ZNF546: variants seen among roughly 807,000 people sequenced by gnomAD.
ZNF546 encodes CTC-471F3.6.
Under a neutral mutation model 76.2 loss-of-function variants are expected in ZNF546, and 60 were observed. That is an observed-to-expected ratio of 0.79 (90% CI 0.64 to 0.98). ZNF546 has a LOEUF of 0.98. Ranked by LOEUF, ZNF546 falls within the 50% of genes least tolerant of loss-of-function variation. ZNF546 has a pLI of 0.00. For missense variants in ZNF546, 936 were observed against 1,035.6 expected, an observed-to-expected ratio of 0.90 and a Z score of 1.32; for synonymous variants, 277 against 328.1, an observed-to-expected ratio of 0.84 and a Z score of 1.68.
At chr19:40,006,308 C>CT (rs1016124113) in intron 4 of ZNF546, 126 bp downstream of exon 4, 1 of 730,616 alleles carries the variant, frequency 1.4e-6, no homozygotes, top group Non-Finnish European at 2.2e-6. Flanking sequence ...TAGTTACTCC[C>CT]TAGTTACAGT....
At chr19:40,012,586 A>T (rs1263862470) in intron 6 of ZNF546, among the ~76,000 whole-genome samples, 2 of 152,102 alleles carry the variant, frequency 1.3e-5, no homozygotes, top group African/African-American at 4.8e-5. Flanking sequence ...GGAACGAGAA[A>T]CTCTATTCTA....
intron 6 of ZNF546, among the ~76,000 whole-genome samples, chr19:40,008,821 TC>T (rs141508192): frequency 0.033 from 4,950 of 152,304 alleles, 183 homozygotes; most frequent in East Asian, 0.18. Context: ...CTTTCTTTCT[TC>T]CCCATTGATG....
In ZNF546 at chr19:40,004,821, TTAAA is replaced by T. The variant is rs532847203; in HGVS notation, c.85-1272_85-1269del. 2.2e-3 allele frequency among the ~76,000 whole-genome samples: 328 copies of T among 152,204 alleles called. 2 individuals are homozygous for T. The highest frequency in any genetic ancestry group is 6.9e-3 in the African/African-American group (285 of 41,538). On this transcript the variant is annotated intron_variant, in intron 3 of 6. Coordinates refer to ENST00000347077, the MANE Select transcript of ZNF546 (RefSeq NM_178544.5). ...ATATCTTGGATATTTCCCAAATCCT[TTAAA>T]TATTTTCTCCAATTTAGTATAGTAT... is the stretch of plus-strand genomic sequence containing the variant.
chr19:40,014,190 G>A lies in ZNF546; in HGVS notation c.920G>A (p.Gly307Glu). ...GVKPYECKEC[G>E]KAFSRVRDLR... ...AAACCCTACGAGTGTAAGGAATGTG[G>A]GAAAGCCTTTAGTCGTGTTAGAGAC... is the stretch of plus-strand genomic sequence containing the variant. The change falls in exon 7 of 7, where the codon GGG becomes GAG. Residue 307 changes from glycine (G) to glutamate (E), a missense_variant. Physicochemically the swap from Gly to Glu is moderately conservative, Grantham distance 98. Transcript: ENST00000347077. 1 of 1,613,782 alleles carries A rather than the reference G, an allele frequency of 6.2e-7. No individual in the cohort carries two copies. The highest frequency in any genetic ancestry group is 1.1e-5 in the South Asian group (1 of 91,070).
intron 3 of ZNF546, among the ~76,000 whole-genome samples, chr19:40,003,770 G>T (rs1437029897): frequency 6.6e-6 from 1 of 152,094 alleles, no homozygotes; most frequent in African/African-American, 2.4e-5. Flanking sequence ...CCAGCACTTT[G>T]GGAGGCTGAA....
In ZNF546 at chr19:40,017,200, AG is replaced by A. The variant is rs1883698736; in HGVS notation, c.*1420del. ...GAACCTATCTCTGAAAATTAATGTGAGAAAGAAATCTCTAGATTTGATGGGT... is the reference window on the plus strand; with the variant it reads ...GAACCTATCTCTGAAAATTAATGTGAAAAGAAATCTCTAGATTTGATGGGT... On this transcript the variant is annotated 3_prime_UTR_variant, in exon 7 of 7. Transcript: ENST00000347077. The A allele has an allele frequency of 6.6e-6, 1 of 152,242 alleles. No individual in the cohort carries two copies. The highest frequency in any genetic ancestry group is 6.5e-5 in the Admixed American group (1 of 15,280). 9.4% of individuals were successfully genotyped at this position (152,242 alleles called of 1,614,324 possible).
chr19:40,013,775 G>C lies in ZNF546; in HGVS notation c.505G>C (p.Asp169His), dbSNP rs530049974. ...GEKSKNTIHEDTIFRNGLQCK... is the reference protein window; with the variant it reads ...GEKSKNTIHEHTIFRNGLQCK... ...AAAAAGTAAAAACACCATCCATGAGGACACCATTTTCAGAAATGGTTTGCA... is the reference window on the plus strand; with the variant it reads ...AAAAAGTAAAAACACCATCCATGAGCACACCATTTTCAGAAATGGTTTGCA... The change falls in exon 7 of 7, where the codon GAC (aspartate) becomes CAC (histidine). Residue 169 changes from aspartate to histidine, a missense_variant. By Grantham distance (81) the Asp-to-His change is moderately conservative (BLOSUM62 -1). Transcript: ENST00000347077. 6.2e-7 allele frequency: 1 copy of C among 1,613,682 alleles called. No homozygotes were observed. The highest frequency in any genetic ancestry group is 8.5e-7 in the Non-Finnish European group (1 of 1,179,904).
rs1415124210 is a variant in ZNF546, at chr19:40,015,737, C to T, written c.2467C>T (p.His823Tyr). 6.2e-7 allele frequency: 1 copy of T among 1,613,024 alleles called. No homozygotes were observed. Among genetic ancestry groups the T allele is most frequent in the Non-Finnish European group, 8.5e-7 (1 of 1,179,310 alleles). Residue 823 changes from histidine (H) to tyrosine (Y), a missense_variant, in exon 7 of 7, where the codon CAT (histidine) becomes TAT (tyrosine). His to Tyr is a moderately conservative substitution (Grantham distance 83). Transcript: ENST00000347077. ...TATTCGTAGTGATCAACTTACTTTA[C>T]ATCAGAGAAATCATATTAGTGAGGA... ...AFIRSDQLTLHQRNHISEEVL... is the reference protein window; with the variant it reads ...AFIRSDQLTLYQRNHISEEVL...
chr19:39,998,675 A>C, intron 3 of ZNF546: 1 of 429,698 alleles, frequency 2.3e-6, no homozygotes, highest in East Asian at 3.9e-5. Flanking sequence ...TTTCCAAGGA[A>C]TCCATGAGTT....
Position 40,020,966 on chromosome 19 carries a change from CT to C in ZNF546, c.*5188del, listed in dbSNP as rs1476375789. 2 of 152,106 alleles carry C rather than the reference CT, an allele frequency of 1.3e-5. No homozygotes were observed. Among genetic ancestry groups the C allele is most frequent in the Non-Finnish European group, 2.9e-5 (2 of 68,016 alleles). 9.4% of individuals were successfully genotyped at this position (152,106 alleles called of 1,614,324 possible). ...TTGAACGTACTATAATGAATTTAAA[CT>C]TTCATTGGTATTTATGTTTTAACAG... On this transcript the variant is annotated 3_prime_UTR_variant, in exon 7 of 7. Coordinates refer to ENST00000347077, the MANE Select transcript of ZNF546 (RefSeq NM_178544.5).
Position 40,015,867 on chromosome 19 carries a change from A to G in ZNF546, c.*86A>G. ...TTCTGTTTGTTACGGAACATGTGGGAATCCCTTTTACTTCATGCTCACAAT... is the reference window on the plus strand; with the variant it reads ...TTCTGTTTGTTACGGAACATGTGGGGATCCCTTTTACTTCATGCTCACAAT... On this transcript the variant is annotated 3_prime_UTR_variant, in exon 7 of 7. Coordinates refer to ENST00000347077, the MANE Select transcript of ZNF546 (RefSeq NM_178544.5). 8.2e-7 allele frequency: 1 copy of G among 1,225,466 alleles called. No homozygotes were observed. 75.9% of individuals were successfully genotyped at this position (1,225,466 alleles called of 1,614,324 possible). A position where few individuals can be genotyped will look rare whatever the true frequency, so the allele number is the denominator to read the frequency against.
At chr19:40,003,958 G>A (rs1048500313) in intron 3 of ZNF546, among the ~76,000 whole-genome samples, 6 of 150,886 alleles carry the variant, frequency 4.0e-5, no homozygotes, top group African/African-American at 4.9e-5. Context: ...TCTACAGTGA[G>A]CTGAGATTGT....
At position 40,015,142 on chromosome 19, in the gene ZNF546, TACTC is replaced by T. The variant is rs1262313753; in HGVS notation, c.1874_1877del (p.Thr625SerfsTer144). 17 of 1,614,078 alleles carry T rather than the reference TACTC, an allele frequency of 1.1e-5. No homozygotes were observed. Among genetic ancestry groups the T allele is most frequent in the East Asian group, 2.2e-5 (1 of 44,864 alleles). ...AAGCCTTTCGATTTCAAACAGAACTTACTCAGCATCACAGAATTCATACTGGTGA... is the reference window on the plus strand; with the variant it reads ...AAGCCTTTCGATTTCAAACAGAACTTAGCATCACAGAATTCATACTGGTGA... On this transcript the variant is annotated frameshift_variant, in exon 7 of 7. Transcript: ENST00000347077. LOFTEE classifies it high-confidence loss of function.
intron 6 of ZNF546, among the ~76,000 whole-genome samples, chr19:40,009,558 T>C (rs1971646383): frequency 6.6e-6 from 1 of 152,196 alleles, no homozygotes; most frequent in African/African-American, 2.4e-5. Flanking sequence ...AGTATAAAAT[T>C]TGCTAAGTTG....
chr19:40,010,759 T>C (rs1162251024), intron 6 of ZNF546, among the ~76,000 whole-genome samples: 1 of 152,184 alleles, frequency 6.6e-6, no homozygotes, highest in Non-Finnish European at 1.5e-5. Flanking sequence ...CTCGGCTCAC[T>C]GCAACCTCCG....
chr19:40,013,656 T>TTTTTTTAAA lies in ZNF546; in HGVS notation c.395-5_395-4insTTAAATTTT. On this transcript the variant is annotated splice_polypyrimidine_tract_variant and intron_variant, in intron 6 of 6. Transcript: ENST00000347077. ...TACTCTTTGCTTTTTTTTTTTTTTT[T>TTTTTTTAAA]TTTTGCAGATTTGGAATACAAGTAT... 7.2e-7 allele frequency: 1 copy of TTTTTTTAAA among 1,382,448 alleles called. No individual in the cohort carries two copies. The highest frequency in any genetic ancestry group is 9.4e-7 in the Non-Finnish European group (1 of 1,063,196). The allele number at this position is 1,382,448 out of a possible 1,614,324, so 85.6% of individuals were successfully genotyped here. A position where few individuals can be genotyped will look rare whatever the true frequency, so the allele number is the denominator to read the frequency against.
chr19:40,007,222 C>T, intron 4 of ZNF546, 52 bp from the exon 5 acceptor site: 1 of 1,416,952 alleles, frequency 7.1e-7, no homozygotes, highest in South Asian at 1.7e-5. Context: ...AGCAGTTTTC[C>T]ATCTTGAAAA....
Position 39,998,229 on chromosome 19 carries a change from A to G in ZNF546, c.-79-19A>G, listed in dbSNP as rs1971480104. The G allele has an allele frequency of 1.1e-6, 1 of 891,468 alleles. No individual in the cohort carries two copies. Among genetic ancestry groups the G allele is most frequent in the African/African-American group, 1.7e-5 (1 of 59,254 alleles). 55.2% of individuals were successfully genotyped at this position (891,468 alleles called of 1,614,324 possible). A position where few individuals can be genotyped will look rare whatever the true frequency, so the allele number is the denominator to read the frequency against. On this transcript the variant is annotated intron_variant, in intron 2 of 6. Transcript: ENST00000347077. ...TAAGTAAATCTTTAAATAAATGCAT[A>G]AAATGTTTTTGTTTTTAGGAAATGG... is the stretch of plus-strand genomic sequence containing the variant.
chr19:40,002,745 G>A (rs143879166), intron 3 of ZNF546, among the ~76,000 whole-genome samples: 136 of 151,446 alleles, frequency 9.0e-4, no homozygotes, highest in African/African-American at 3.1e-3. Flanking sequence ...TGTCGCCCAG[G>A]CTGGAGTACA....
Sources: gnomAD v4.1 joint callset for allele counts (sites outside exome capture counted in the v4.1 genomes callset) on GRCh38, gnomAD v4.1.1 for gene constraint, MANE v1.5 for transcripts, NCBI Gene and HGNC (gene_info 2026-07-23, HGNC 2026-07-21) for gene names.